CCDC102B: variants seen among roughly 807,000 people sequenced by gnomAD.
CCDC102B encodes coiled-coil domain-containing protein 102B.
Under a neutral mutation model 57.4 loss-of-function variants are expected in CCDC102B, and 75 were observed. That is an observed-to-expected ratio of 1.31 (90% confidence interval 1.08 to 1.58). The LOEUF (loss-of-function observed/expected upper bound fraction) is 1.58, where lower values mean the gene tolerates loss of function less well. Ranked by LOEUF, CCDC102B falls within the 40% of genes most tolerant of loss-of-function variation. CCDC102B has a pLI of 0.00. For missense variants in CCDC102B, 636 were observed against 582.6 expected, an observed-to-expected ratio of 1.09 and a Z score of -0.94; for synonymous variants, 206 against 201.9, an observed-to-expected ratio of 1.02 and a Z score of -0.17.
At chr18:68,939,423 G>A (rs1038071791) in intron 6 of CCDC102B, among the ~76,000 whole-genome samples, 5 of 151,660 alleles carry the variant, frequency 3.3e-5, no homozygotes, top group South Asian at 2.1e-4. Context: ...TAAATTTAGA[G>A]AAAAACATCC....
At chr18:68,731,609 T>C (rs1411122167) in intron 2 of CCDC102B, among the ~76,000 whole-genome samples, 1 of 151,602 alleles carries the variant, frequency 6.6e-6, no homozygotes, top group Admixed American at 6.6e-5. Context: ...GATAAACAAT[T>C]TTATATATGT....
In CCDC102B at chr18:68,827,629, G is replaced by A. The variant is rs1298517135; in HGVS notation, c.-15-9120G>A. ...AAAGAAAACAAATTATAAAATGGCA[G>A]ATATAAGTTCTAACACATCAATAAT... On this transcript the variant is annotated intron_variant, in intron 1 of 7. Transcript: ENST00000360242. Among the ~76,000 whole-genome samples, 5 of 152,094 alleles carry A rather than the reference G, an allele frequency of 3.3e-5. No individual in the cohort carries two copies. In the South Asian group the frequency reaches 8.3e-4, roughly 25 times the overall value.
intron 7 of CCDC102B, among the ~76,000 whole-genome samples, chr18:69,053,749 T>G (rs184578667): frequency 1.3e-3 from 201 of 152,006 alleles, no homozygotes; most frequent in African/African-American, 4.6e-3. Flanking sequence ...TGGATCCTCA[T>G]GTTTTTCAAT....
intron 2 of CCDC102B, among the ~76,000 whole-genome samples, chr18:68,791,899 T>A (rs1007374917): frequency 6.6e-6 from 1 of 152,100 alleles, no homozygotes; most frequent in Non-Finnish European, 1.5e-5. Context: ...GTATCTCAAC[T>A]GATAGAGTTT....
chr18:68,853,421 G>A (rs896379978), intron 4 of CCDC102B, among the ~76,000 whole-genome samples: 4 of 151,664 alleles, frequency 2.6e-5, no homozygotes, highest in African/African-American at 9.7e-5. Context: ...AAGACTAAAT[G>A]CTATCTATGA....
chr18:68,878,167 G>T (rs988772244), intron 5 of CCDC102B, among the ~76,000 whole-genome samples: 1 of 152,198 alleles, frequency 6.6e-6, no homozygotes, highest in Middle Eastern at 3.4e-3. Context: ...CACAATCTCG[G>T]CTCACTGCAA....
At chr18:68,789,705 A>T (rs1349893411) in intron 2 of CCDC102B, among the ~76,000 whole-genome samples, 23 of 142,446 alleles carry the variant, frequency 1.6e-4, no homozygotes, top group African/African-American at 4.8e-4. Context: ...ACTTCTCTGT[A>T]TTGGTTATTC....
At position 69,054,979 on chromosome 18, in the gene CCDC102B, C is replaced by T; in HGVS notation, c.*842C>T. 1 of 981,982 alleles carries T rather than the reference C, an allele frequency of 1.0e-6. No individual in the cohort carries two copies. Among genetic ancestry groups the T allele is most frequent in the Non-Finnish European group, 1.2e-6 (1 of 826,926 alleles). The allele number at this position is 981,982 out of a possible 1,614,324, so 60.8% of individuals were successfully genotyped here. ...TTATGTACATTATAGTTTATTGCTT[C>T]ATATTTAAGTTTAGTTTTTAAGGTA... On this transcript the variant is annotated 3_prime_UTR_variant, in exon 8 of 8. Transcript: ENST00000360242.
intron 4 of CCDC102B, among the ~76,000 whole-genome samples, chr18:68,856,936 TAC>T (rs979626257): frequency 1.4e-5 from 2 of 146,450 alleles, no homozygotes; most frequent in Non-Finnish European, 1.5e-5. Flanking sequence ...TTATACAGCA[TAC>T]ACACACATAC....
chr18:68,877,599 T>C (rs2039499081), intron 5 of CCDC102B, among the ~76,000 whole-genome samples: 1 of 152,220 alleles, frequency 6.6e-6, no homozygotes, highest in African/African-American at 2.4e-5. Flanking sequence ...AATCCAAAAC[T>C]GCTTTGCTAA....
chr18:68,958,119 G>A (rs1409598778), intron 6 of CCDC102B, among the ~76,000 whole-genome samples: 1 of 152,040 alleles, frequency 6.6e-6, no homozygotes, highest in East Asian at 1.9e-4. Flanking sequence ...TAAACTATCA[G>A]GTCTTGTAAG....
intron 6 of CCDC102B, among the ~76,000 whole-genome samples, chr18:68,939,621 A>G (rs1445284581): frequency 6.6e-6 from 1 of 151,872 alleles, no homozygotes; most frequent in Non-Finnish European, 1.5e-5. Context: ...TAAAGAAGAT[A>G]TATCACAAGC....
At chr18:68,727,170 G>T (rs309234) in intron 2 of CCDC102B, among the ~76,000 whole-genome samples, 8,861 of 152,262 alleles carry the variant, frequency 0.058, 597 homozygotes, top group African/African-American at 0.16. Context: ...AGTTGAAGCT[G>T]TCCTGTTTGG....
chr18:68,957,206 C>G (rs2049923452), intron 6 of CCDC102B, among the ~76,000 whole-genome samples: 1 of 151,914 alleles, frequency 6.6e-6, no homozygotes, highest in Admixed American at 6.6e-5. Context: ...TTGCCAAGGC[C>G]AATGTACTGG....
At chr18:68,773,182 T>A (rs1340754955) in intron 2 of CCDC102B, among the ~76,000 whole-genome samples, 2 of 151,250 alleles carry the variant, frequency 1.3e-5, no homozygotes, top group East Asian at 1.9e-4. Flanking sequence ...AAAAAAAAAA[T>A]GCCAAGTCAA....
chr18:68,724,881 T>G (rs1463051650), intron 2 of CCDC102B, among the ~76,000 whole-genome samples: 2 of 152,202 alleles, frequency 1.3e-5, no homozygotes, highest in Admixed American at 6.5e-5. Context: ...TCCACTCTAT[T>G]GGTACCAGTT....
chr18:68,746,581 A>G (rs1001105537), intron 2 of CCDC102B, among the ~76,000 whole-genome samples: 2 of 152,082 alleles, frequency 1.3e-5, no homozygotes, highest in Non-Finnish European at 2.9e-5. Context: ...TTCAAGAAAA[A>G]CACAATTTTC....
In CCDC102B at chr18:68,954,731, G is replaced by A. The variant is rs574876161; in HGVS notation, c.1264-56203G>A. 3.3e-5 allele frequency among the ~76,000 whole-genome samples: 5 copies of A among 152,246 alleles called. No homozygotes were observed. The South Asian group carries it at 1.0e-3, about 32-fold the overall frequency. ...TTAGAATTATTTTATAACTTCTAGA[G>A]CATTATTTCAATCTATTTACATGGC... On this transcript the variant is annotated intron_variant, in intron 6 of 7. Coordinates refer to ENST00000360242, the MANE Select transcript of CCDC102B (RefSeq NM_024781.3).
chr18:68,947,823 C>A (rs2049583625), intron 6 of CCDC102B, among the ~76,000 whole-genome samples: 1 of 152,028 alleles, frequency 6.6e-6, no homozygotes, highest in Admixed American at 6.6e-5. Flanking sequence ...TTTCTCTTCT[C>A]ATTCTGGTAA....
Sources: gnomAD v4.1 joint callset for allele counts (sites outside exome capture counted in the v4.1 genomes callset) on GRCh38, gnomAD v4.1.1 for gene constraint, MANE v1.5 for transcripts, NCBI Gene and HGNC (gene_info 2026-07-23, HGNC 2026-07-21) for gene names.